Variants in PDE3B observed in about 807,000 individuals in gnomAD.
PDE3B encodes the protein cGMP-inhibited 3',5'-cyclic phosphodiesterase 3B.
PDE3B carries 66 observed loss-of-function variants against 116.8 expected under a neutral mutation model. That is an observed-to-expected ratio of 0.56 (90% CI 0.46 to 0.69). The LOEUF is 0.69. Among genes scored for constraint, PDE3B ranks in the 30% least tolerant of loss-of-function variants. The pLI is 0.00. For synonymous variants in PDE3B, 595 were observed against 533.6 expected (o/e 1.12, Z -1.59); for missense variants, 1,384 against 1,368.1 (o/e 1.01, Z -0.18).
At chr11:14,771,582 A>T (rs1857643107) in intron 1 of PDE3B, among the ~76,000 whole-genome samples, 1 of 151,796 alleles carries the variant, frequency 6.6e-6, no homozygotes, top group Non-Finnish European at 1.5e-5. Context: ...ACCCATGATG[A>T]GCCTTTGGAG....
intron 13 of PDE3B, among the ~76,000 whole-genome samples, chr11:14,859,512 T>C (rs1205172812): frequency 6.6e-6 from 1 of 152,168 alleles, no homozygotes; most frequent in African/African-American, 2.4e-5. Flanking sequence ...ATTTTTCACA[T>C]AGAAACAAAC....
chr11:14,856,639 G>C (rs1847855649), intron 12 of PDE3B, among the ~76,000 whole-genome samples: 2 of 152,116 alleles, frequency 1.3e-5, no homozygotes, highest in Non-Finnish European at 2.9e-5. Flanking sequence ...CAGATCACGA[G>C]GTCAGGAGAT....
the PDE3B span, chr11:14,880,479 T>C: frequency 6.2e-7 from 1 of 1,613,512 alleles, no homozygotes; most frequent in East Asian, 2.2e-5. Flanking sequence ...TGGCAGCTAG[T>C]TCCACATTTT....
At chr11:14,776,223 G>C (rs1241650267) in intron 2 of PDE3B, 1 of 152,234 alleles carries the variant, frequency 6.6e-6, no homozygotes, top group Non-Finnish European at 1.5e-5. Flanking sequence ...GGCAAGTCTG[G>C]TGGCTCTAGC....
At chr11:14,718,409 C>A (rs1202010155) in intron 1 of PDE3B, among the ~76,000 whole-genome samples, 2 of 144,724 alleles carry the variant, frequency 1.4e-5, no homozygotes. Flanking sequence ...CTCATCTCTG[C>A]ACCAAGTGGA....
At chr11:14,662,849 G>C (rs1005018152) in intron 1 of PDE3B, among the ~76,000 whole-genome samples, 8 of 152,224 alleles carry the variant, frequency 5.3e-5, no homozygotes, top group African/African-American at 1.9e-4. Flanking sequence ...ACCTGAAAGT[G>C]ACGGGGAGAA....
chr11:14,740,148 A>G (rs543146765), intron 1 of PDE3B, among the ~76,000 whole-genome samples: 9 of 151,834 alleles, frequency 5.9e-5, no homozygotes, highest in East Asian at 1.9e-4. Flanking sequence ...CTTTTTTTCT[A>G]TTGATTGGAA....
At chr11:14,674,717 G>C (rs974464293) in intron 1 of PDE3B, among the ~76,000 whole-genome samples, 1 of 152,130 alleles carries the variant, frequency 6.6e-6, no homozygotes, top group African/African-American at 2.4e-5. Context: ...ACCCTCATAG[G>C]AAAAATATTG....
chr11:14,728,091 G>A (rs1856362408), intron 1 of PDE3B, among the ~76,000 whole-genome samples: 1 of 151,974 alleles, frequency 6.6e-6, no homozygotes, highest in Non-Finnish European at 1.5e-5. Context: ...TATAATATAT[G>A]CATATGTTTT....
chr11:14,689,028 C>T (rs1011451054), intron 1 of PDE3B, among the ~76,000 whole-genome samples: 1 of 152,192 alleles, frequency 6.6e-6, no homozygotes, highest in Non-Finnish European at 1.5e-5. Flanking sequence ...CATCCTCGGC[C>T]TCCCAAAGTG....
chr11:14,803,846 A>G (rs1283107276), intron 4 of PDE3B, 98 bp from the exon 5 acceptor site: 14 of 714,200 alleles, frequency 2.0e-5, no homozygotes, highest in Non-Finnish European at 3.4e-5. Flanking sequence ...CTCTGAATTT[A>G]TGAGGATATA....
intron 1 of PDE3B, among the ~76,000 whole-genome samples, chr11:14,661,750 G>C (rs1370527349): frequency 6.6e-6 from 1 of 152,222 alleles, no homozygotes; most frequent in Non-Finnish European, 1.5e-5. Context: ...AGTTAGGCTG[G>C]GGAAGGGGCG....
At chr11:14,722,402 A>G (rs1856144669) in intron 1 of PDE3B, among the ~76,000 whole-genome samples, 1 of 152,204 alleles carries the variant, frequency 6.6e-6, no homozygotes, top group Non-Finnish European at 1.5e-5. Context: ...GAGTAAAAAA[A>G]ATAAATCCAA....
chr11:14,673,918 C>A (rs1383466159), intron 1 of PDE3B: 3 of 1,431,714 alleles, frequency 2.1e-6, no homozygotes, highest in South Asian at 1.1e-5. Context: ...TCATTAACCG[C>A]ATACTCCTTA....
chr11:14,776,215 C>G (rs1053780556), intron 2 of PDE3B: 1 of 152,228 alleles, frequency 6.6e-6, no homozygotes. Context: ...CAACACTAGG[C>G]AAGTCTGGTG....
chr11:14,747,870 A>G (rs918052276), intron 1 of PDE3B, among the ~76,000 whole-genome samples: 2 of 152,238 alleles, frequency 1.3e-5, no homozygotes, highest in Non-Finnish European at 2.9e-5. Context: ...TTGTTATAGA[A>G]GTGCACACAT....
At chr11:14,653,172 G>A (rs1468496137) in intron 1 of PDE3B, among the ~76,000 whole-genome samples, 4 of 151,640 alleles carry the variant, frequency 2.6e-5, no homozygotes, top group African/African-American at 9.7e-5. Flanking sequence ...GTTTTTTTTG[G>A]TGGAATCTTC....
intron 1 of PDE3B, among the ~76,000 whole-genome samples, chr11:14,653,227 T>C (rs963974503): frequency 2.0e-5 from 3 of 152,172 alleles, no homozygotes; most frequent in Non-Finnish European, 4.4e-5. Context: ...GTGCTGCATA[T>C]GTAGACTCAG....
At chr11:14,786,312 A>T in intron 2 of PDE3B, 125 bp from the exon 3 acceptor site, 1 of 657,036 alleles carries the variant, frequency 1.5e-6, no homozygotes, top group Non-Finnish European at 2.4e-6. Flanking sequence ...AAAAAGAAAA[A>T]AATTAAAGTT....
Sources: gnomAD v4.1 joint callset for allele counts (sites outside exome capture counted in the v4.1 genomes callset) on GRCh38, gnomAD v4.1.1 for gene constraint, MANE v1.5 for transcripts, NCBI Gene and HGNC (gene_info 2026-07-23, HGNC 2026-07-21) for gene names.